Variants in SGSM1 observed in about 807,000 individuals in gnomAD.
SGSM1 encodes RUN and TBC1 domain containing 2.
Under a neutral mutation model 133.8 loss-of-function variants are expected in SGSM1, and 73 were observed. The observed-to-expected ratio is 0.55, with a 90% CI of 0.45 to 0.66. SGSM1 has a LOEUF of 0.66. SGSM1 is among the 30% of genes least tolerant of loss of function. SGSM1 has a pLI of 0.00. For synonymous variants in SGSM1, 563 were observed against 573.0 expected, an observed-to-expected ratio of 0.98 and a Z score of 0.25; for missense variants, 1,213 against 1,448.1, an observed-to-expected ratio of 0.84 and a Z score of 2.64.
At chr22:24,872,231 A>G (rs1931800707) in intron 12 of SGSM1, among the ~76,000 whole-genome samples, 1 of 152,178 alleles carries the variant, frequency 6.6e-6, no homozygotes, top group Non-Finnish European at 1.5e-5. Flanking sequence ...GCTGCCTCTC[A>G]GTGTCTCATC....
intron 12 of SGSM1, 67 bp from the exon 13 acceptor site, chr22:24,876,510 G>A: frequency 6.3e-7 from 1 of 1,598,536 alleles, no homozygotes. Context: ...GCTCTAGGGT[G>A]AGATTTCTGT....
chr22:24,886,515 C>A, intron 15 of SGSM1, 85 bp from the exon 16 acceptor site: 1 of 1,489,184 alleles, frequency 6.7e-7, no homozygotes, highest in South Asian at 1.3e-5. Flanking sequence ...ACCAATCTGG[C>A]CAACATGGTG....
At chr22:24,858,613 G>T (rs912564396) in intron 8 of SGSM1, among the ~76,000 whole-genome samples, 1 of 141,530 alleles carries the variant, frequency 7.1e-6, no homozygotes, top group Non-Finnish European at 1.5e-5. Context: ...TCCAGCCTTG[G>T]CAACAGAGCG....
At chr22:24,825,203 A>G (rs1928729937) in intron 2 of SGSM1, among the ~76,000 whole-genome samples, 2 of 152,150 alleles carry the variant, frequency 1.3e-5, no homozygotes, top group Non-Finnish European at 2.9e-5. Context: ...TATGGAAGTG[A>G]GCACATAGTG....
chr22:24,916,930 G>T (rs866289108), intron 22 of SGSM1, among the ~76,000 whole-genome samples: 1 of 151,976 alleles, frequency 6.6e-6, no homozygotes, highest in South Asian at 2.1e-4. Flanking sequence ...CCAGGCTGGA[G>T]TTCAGTGGTG....
At chr22:24,826,269 C>G (rs1928795961) in intron 2 of SGSM1, among the ~76,000 whole-genome samples, 1 of 152,150 alleles carries the variant, frequency 6.6e-6, no homozygotes, top group African/African-American at 2.4e-5. Flanking sequence ...TGGAGCATAC[C>G]TATACTCAAA....
At chr22:24,837,401 A>G (rs1929492723) in intron 2 of SGSM1, among the ~76,000 whole-genome samples, 1 of 152,362 alleles carries the variant, frequency 6.6e-6, no homozygotes, top group East Asian at 1.9e-4. Context: ...TCTAGAAGGC[A>G]GAGCCAGGTG....
intron 20 of SGSM1, 46 bp from the exon 21 acceptor site, chr22:24,905,059 G>A (rs1432628755): frequency 5.8e-6 from 9 of 1,544,110 alleles, no homozygotes; most frequent in Middle Eastern, 1.7e-4. Context: ...GTGGGTTGGA[G>A]AGGCAGGCCA....
rs376243892 is a variant in SGSM1 at position 24,845,969 on chromosome 22, CTT to C, written c.139+999_139+1000del. On this transcript the variant is annotated intron_variant, in intron 3 of 24. Coordinates refer to ENST00000400358, the MANE Select transcript of SGSM1 (RefSeq NM_001098497.3). ...TCTTTCTTTCTTTCTTTCTTTCTTT[CTT>C]TCTTTCTTTCTTTCTTTCTTTCTTT... Among the ~76,000 whole-genome samples, 8 of 141,580 alleles carry C rather than the reference CTT, an allele frequency of 5.7e-5. 1 individual carries two copies. Among genetic ancestry groups the C allele is most frequent in the African/African-American group, 2.2e-4 (8 of 36,892 alleles). 92.9% of individuals were successfully genotyped at this position (141,580 alleles called of 152,430 possible). A position where few individuals can be genotyped will look rare whatever the true frequency, so the allele number is the denominator to read the frequency against.
chr22:24,859,579 T>C (rs1931004946), intron 8 of SGSM1, 137 bp from the exon 9 acceptor site: 1 of 1,239,350 alleles, frequency 8.1e-7, no homozygotes, highest in Admixed American at 2.0e-5. Context: ...TTTAGAGTCT[T>C]CCACATGGCC....
At chr22:24,821,946 T>C (rs1430241074) in intron 2 of SGSM1, among the ~76,000 whole-genome samples, 3 of 152,080 alleles carry the variant, frequency 2.0e-5, no homozygotes, top group African/African-American at 7.2e-5. Flanking sequence ...AGTCTGCAGT[T>C]GACATCGGGG....
In SGSM1 at chr22:24,874,525, C is replaced by G. The variant is rs1174630540; in HGVS notation, c.1292-2052C>G. ...GGTGGCCAGAGGGAGTCAGTGGGAGCCAGCCAGATGGGACACTACTCTCCC... is the reference window on the plus strand; with the variant it reads ...GGTGGCCAGAGGGAGTCAGTGGGAGGCAGCCAGATGGGACACTACTCTCCC... On this transcript the variant is annotated intron_variant, in intron 12 of 24. Coordinates refer to ENST00000400358, the MANE Select transcript of SGSM1 (RefSeq NM_001098497.3). The G allele has an allele frequency of 2.5e-6, 4 of 1,612,206 alleles. No homozygotes were observed. The Admixed American group carries it at 5.0e-5, about 20-fold the overall frequency.
At position 24,905,159 on chromosome 22, in the gene SGSM1, G is replaced by C. The variant is rs1337087357; in HGVS notation, c.2790G>C (p.Leu930=). ...ATGTCCAGGGCATGTGTGATCTTCT[G>C]GCTCCACTGCTGGTCATTCTGGATG... ...IGYVQGMCDL[L]APLLVILDDE... Residue 930 remains leucine, a synonymous_variant, in exon 21 of 25, where the codon CTG becomes CTC. Transcript: ENST00000400358. 2 of 1,614,016 alleles carry C rather than the reference G, an allele frequency of 1.2e-6. No individual in the cohort carries two copies. The highest frequency in any genetic ancestry group is 2.2e-5 in the South Asian group (2 of 91,086).
At chr22:24,874,280 A>C (rs1015209032) in intron 12 of SGSM1, 33 of 859,434 alleles carry the variant, frequency 3.8e-5, no homozygotes, top group Non-Finnish European at 5.7e-5. Flanking sequence ...AATTGAACAC[A>C]GTGAATGTGG....
chr22:24,918,273 G>A (rs1933890948), intron 23 of SGSM1, among the ~76,000 whole-genome samples: 1 of 152,076 alleles, frequency 6.6e-6, no homozygotes, highest in Admixed American at 6.6e-5. Flanking sequence ...AGGAGGCCAA[G>A]GCGGTCAGAT....
In SGSM1 at chr22:24,868,824, G is replaced by A. The variant is rs1166925591; in HGVS notation, c.1260G>A (p.Arg420=). The A allele has an allele frequency of 6.2e-7, 1 of 1,613,940 alleles. No individual in the cohort carries two copies. The highest frequency in any genetic ancestry group is 1.1e-5 in the South Asian group (1 of 91,080). The change falls in exon 12 of 25, where the codon AGG becomes AGA. Residue 420 remains arginine, a synonymous_variant. Coordinates refer to ENST00000400358, the MANE Select transcript of SGSM1 (RefSeq NM_001098497.3). ...ATGAGGCCACGGATTATGTGTTCAG[G>A]ATCATCTACCCTGGCATGCAGTCGG... ...DDDEATDYVF[R]IIYPGMQSEF...
At chr22:24,849,263 ATG>A (rs1930318537) in intron 4 of SGSM1, among the ~76,000 whole-genome samples, 1 of 150,766 alleles carries the variant, frequency 6.6e-6, no homozygotes, top group African/African-American at 2.4e-5. Context: ...AAAAAAAAAA[ATG>A]AGTTGCGGCC....
chr22:24,855,984 T>G (rs1210128457), intron 8 of SGSM1: 1 of 551,186 alleles, frequency 1.8e-6, no homozygotes, highest in South Asian at 1.7e-5. Flanking sequence ...CACCCATCTT[T>G]ACATTCACCC....
chr22:24,892,067 G>A (rs570789178), intron 16 of SGSM1, among the ~76,000 whole-genome samples: 4 of 152,246 alleles, frequency 2.6e-5, no homozygotes, highest in African/African-American at 9.6e-5. Flanking sequence ...TTCAGGGGGC[G>A]GGGTGGTCAG....
Sources: allele counts gnomAD v4.1 joint callset (sites outside exome capture counted in the v4.1 genomes callset), GRCh38; gene constraint gnomAD v4.1.1; transcripts MANE v1.5; gene names NCBI Gene and HGNC (gene_info 2026-07-23, HGNC 2026-07-21).